The following PRKCH variants were observed in gnomAD, a reference collection of about 807,000 sequenced individuals.
The protein encoded by PRKCH is protein kinase C eta type.
PRKCH carries 28 observed loss-of-function variants against 82.5 expected under a neutral mutation model. The ratio of observed to expected loss-of-function variants is 0.34; its 90% CI spans 0.25 to 0.47. The LOEUF (loss-of-function observed/expected upper bound fraction) is 0.47, where lower values mean the gene tolerates loss of function less well. PRKCH is among the 20% of genes least tolerant of loss of function. The probability of loss-of-function intolerance (pLI) is 1.00; values close to 1 mark genes in which losing one functional copy is unlikely to be tolerated. For missense variants in PRKCH, 705 were observed against 881.8 expected (o/e 0.80, Z 2.54); for synonymous variants, 322 against 327.4 (o/e 0.98, Z 0.18).
intron 10 of PRKCH, among the ~76,000 whole-genome samples, chr14:61,489,826 C>A (rs191365167): frequency 3.3e-5 from 5 of 152,140 alleles, no homozygotes; most frequent in Admixed American, 3.3e-4. Flanking sequence ...ATCCCATTGA[C>A]CAGACATCTT....
intron 1 of PRKCH, among the ~76,000 whole-genome samples, chr14:61,383,987 G>C (rs2140189702): frequency 6.6e-6 from 1 of 152,288 alleles, no homozygotes; most frequent in Non-Finnish European, 1.5e-5. Flanking sequence ...TCGGAGACCA[G>C]CGGAGGCTTT....
At chr14:61,342,257 G>GCTAACTCAAT (rs367688894) in intron 1 of PRKCH, among the ~76,000 whole-genome samples, 147 of 151,988 alleles carry the variant, frequency 9.7e-4, no homozygotes, top group African/African-American at 3.5e-3. Flanking sequence ...TGAAGGTGGA[G>GCTAACTCAAT]CTAACTCATT....
intron 1 of PRKCH, among the ~76,000 whole-genome samples, chr14:61,370,085 A>G (rs979736216): frequency 9.2e-5 from 14 of 151,916 alleles, no homozygotes; most frequent in African/African-American, 3.4e-4. Flanking sequence ...TTGGGATTAC[A>G]GGCGCCCATC....
intron 1 of PRKCH, among the ~76,000 whole-genome samples, chr14:61,292,716 A>G (rs1465880250): frequency 7.2e-6 from 1 of 138,048 alleles, no homozygotes; most frequent in African/African-American, 2.7e-5. Context: ...GGTTGCAGTG[A>G]CCCAAGATTG....
At chr14:61,537,489 G>A (rs1158885335) in intron 12 of PRKCH, 1 of 151,990 alleles carries the variant, frequency 6.6e-6, no homozygotes, top group African/African-American at 2.4e-5. Context: ...ATTTTTTTAG[G>A]GCTTCTGAGG....
intron 9 of PRKCH, among the ~76,000 whole-genome samples, chr14:61,482,141 C>T (rs1007760314): frequency 3.3e-5 from 5 of 151,934 alleles, no homozygotes; most frequent in Admixed American, 1.3e-4. Context: ...ATTAGAGGTG[C>T]ATGCCACCAT....
chr14:61,485,139 C>G (rs1393917662), intron 9 of PRKCH, among the ~76,000 whole-genome samples: 2 of 152,152 alleles, frequency 1.3e-5, no homozygotes, highest in African/African-American at 2.4e-5. Flanking sequence ...GTAATTAACC[C>G]CACATGTTCC....
intron 1 of PRKCH, chr14:61,304,130 A>G (rs539627032): frequency 6.6e-6 from 1 of 152,254 alleles, no homozygotes; most frequent in South Asian, 2.1e-4. Context: ...AAATGTAAGA[A>G]TCTTACAATA....
chr14:61,239,072 C>T (rs1040199441), intron 1 of PRKCH, among the ~76,000 whole-genome samples: 1 of 152,160 alleles, frequency 6.6e-6, no homozygotes, highest in African/African-American at 2.4e-5. Context: ...AGTAAACAGA[C>T]CTTAAAATGG....
At chr14:61,263,742 A>G (rs1026643548) in intron 1 of PRKCH, among the ~76,000 whole-genome samples, 38 of 152,156 alleles carry the variant, frequency 2.5e-4, no homozygotes, top group African/African-American at 8.7e-4. Context: ...TTATACCCCG[A>G]TAGAGAAATA....
intron 9 of PRKCH, among the ~76,000 whole-genome samples, chr14:61,464,375 GTT>G (rs558783114): frequency 7.3e-6 from 1 of 137,328 alleles, no homozygotes. Context: ...GTTTTGTTTT[GTT>G]TTTTTTTTTA....
At chr14:61,339,435 T>G (rs548283832) in intron 1 of PRKCH, among the ~76,000 whole-genome samples, 46 of 149,926 alleles carry the variant, frequency 3.1e-4, no homozygotes, top group African/African-American at 1.0e-3. Context: ...GCCATTCTCC[T>G]GCCTCAGCCT....
intron 1 of PRKCH, among the ~76,000 whole-genome samples, chr14:61,271,050 G>A (rs4902043): frequency 0.91 from 137,808 of 152,262 alleles, 62,505 homozygotes; most frequent in African/African-American, 0.95. Context: ...TTTCATCAGC[G>A]CAGAGTAAAT....
At chr14:61,227,822 G>A (rs566234190) in intron 1 of PRKCH, among the ~76,000 whole-genome samples, 3 of 152,234 alleles carry the variant, frequency 2.0e-5, no homozygotes, top group African/African-American at 7.2e-5. Context: ...GCAGCCAGAT[G>A]TTAGCATGAG....
At chr14:61,286,741 A>G (rs1408632891) in intron 1 of PRKCH, among the ~76,000 whole-genome samples, 3 of 151,918 alleles carry the variant, frequency 2.0e-5, no homozygotes, top group African/African-American at 4.8e-5. Flanking sequence ...ACGTCATTGC[A>G]CTCCAACCTG....
At chr14:61,466,999 T>G (rs924213283) in intron 9 of PRKCH, among the ~76,000 whole-genome samples, 2 of 152,216 alleles carry the variant, frequency 1.3e-5, no homozygotes, top group African/African-American at 4.8e-5. Context: ...ATCTCACGTG[T>G]GCTCAGTGTA....
chr14:61,202,650 T>C (rs1433406472), intron 1 of PRKCH, among the ~76,000 whole-genome samples: 1 of 152,168 alleles, frequency 6.6e-6, no homozygotes, highest in Non-Finnish European at 1.5e-5. Flanking sequence ...TTTTACCCAT[T>C]TTAATCATCA....
At chr14:61,292,743 C>T (rs1466667828) in intron 1 of PRKCH, among the ~76,000 whole-genome samples, 1 of 143,294 alleles carries the variant, frequency 7.0e-6, no homozygotes, top group South Asian at 2.2e-4. Flanking sequence ...TGCACTCCAG[C>T]CTGGGCAACA....
chr14:61,245,184 A>G (rs1011498672), intron 1 of PRKCH, among the ~76,000 whole-genome samples: 1 of 152,224 alleles, frequency 6.6e-6, no homozygotes, highest in Non-Finnish European at 1.5e-5. Context: ...TCAATTTGGA[A>G]TTTTAAAAAA....
Sources: allele counts gnomAD v4.1 joint callset (sites outside exome capture counted in the v4.1 genomes callset), GRCh38; gene constraint gnomAD v4.1.1; transcripts MANE v1.5; gene names NCBI Gene and HGNC (gene_info 2026-07-23, HGNC 2026-07-21).